Variants in NLGN1 observed in about 807,000 individuals in gnomAD.
The protein encoded by NLGN1 is neuroligin-1.
In NLGN1, 12 loss-of-function variants were observed where a neutral mutation model predicts 65.5. The observed-to-expected ratio is 0.18, with a 90% CI of 0.12 to 0.30. The LOEUF (loss-of-function observed/expected upper bound fraction) is 0.30. NLGN1 is among the 10% of genes least tolerant of loss of function. The probability of loss-of-function intolerance (pLI) is 1.00; values close to 1 mark genes in which losing one functional copy is unlikely to be tolerated. For missense variants in NLGN1, 750 were observed against 1,007.1 expected, an observed-to-expected ratio of 0.74 and a Z score of 3.46; for synonymous variants, 350 against 359.5, an observed-to-expected ratio of 0.97 and a Z score of 0.30.
intron 4 of NLGN1, among the ~76,000 whole-genome samples, chr3:173,951,635 G>T (rs1748229193): frequency 6.6e-6 from 1 of 151,636 alleles, no homozygotes; most frequent in African/African-American, 2.4e-5. Flanking sequence ...GCTAATTTTT[G>T]TATTTTTAGT....
intron 4 of NLGN1, among the ~76,000 whole-genome samples, chr3:173,931,080 A>G (rs553662280): frequency 5.3e-5 from 8 of 152,310 alleles, no homozygotes; most frequent in African/African-American, 1.4e-4. Flanking sequence ...CCTAATCTCA[A>G]TCTCTATGAT....
chr3:173,640,104 A>C (rs1460321711), intron 3 of NLGN1, among the ~76,000 whole-genome samples: 1 of 152,204 alleles, frequency 6.6e-6, no homozygotes, highest in Non-Finnish European at 1.5e-5. Context: ...CGGGGTGCAT[A>C]ATATAATGAT....
chr3:174,088,622 A>T (rs926571402), intron 4 of NLGN1, among the ~76,000 whole-genome samples: 19 of 151,604 alleles, frequency 1.3e-4, no homozygotes, highest in African/African-American at 4.4e-4. Flanking sequence ...GCGCGGTGGC[A>T]GGTGCCTGTA....
intron 4 of NLGN1, among the ~76,000 whole-genome samples, chr3:173,924,229 TG>T (rs1742588342): frequency 6.6e-6 from 1 of 152,138 alleles, no homozygotes; most frequent in Non-Finnish European, 1.5e-5. Flanking sequence ...TTAACAATTT[TG>T]CCATCACAGG....
intron 4 of NLGN1, among the ~76,000 whole-genome samples, chr3:173,933,244 T>C (rs893209404): frequency 4.6e-5 from 7 of 152,108 alleles, no homozygotes; most frequent in South Asian, 4.1e-4. Context: ...GCTCAGAGAA[T>C]GGCAGGAGAG....
intron 1 of NLGN1, among the ~76,000 whole-genome samples, chr3:173,432,586 ATTG>A (rs1250887359): frequency 6.6e-6 from 1 of 151,992 alleles, no homozygotes; most frequent in African/African-American, 2.4e-5. Flanking sequence ...TCATTTTTTT[ATTG>A]TTGAGTTTTA....
chr3:173,946,208 A>C (rs1307408478), intron 4 of NLGN1, among the ~76,000 whole-genome samples: 1 of 152,222 alleles, frequency 6.6e-6, no homozygotes, highest in East Asian at 1.9e-4. Flanking sequence ...AATTCACAAA[A>C]ATTTACCCAA....
At position 173,939,156 on chromosome 3, in the gene NLGN1, A is replaced by G. The variant is rs1480214235; in HGVS notation, c.646+131324A>G. Among the ~76,000 whole-genome samples the G allele has an allele frequency of 2.0e-5, 3 of 152,338 alleles. No homozygotes were observed. In the South Asian group the frequency reaches 6.2e-4, roughly 32 times the overall value. On this transcript the variant is annotated intron_variant, in intron 4 of 6. Transcript: ENST00000457714. Reference sequence around the variant, plus strand: ...ATCAATTAATGTACGTAGTTTTCGCATGCTTCCAGAAATATGTAATATGTG... The same window carrying G: ...ATCAATTAATGTACGTAGTTTTCGCGTGCTTCCAGAAATATGTAATATGTG...
intron 1 of NLGN1, among the ~76,000 whole-genome samples, chr3:173,427,746 G>T (rs534471701): frequency 4.0e-5 from 6 of 151,876 alleles, no homozygotes; most frequent in African/African-American, 1.4e-4. Context: ...GGTCTATCCT[G>T]GAGAAGTTCA....
At chr3:173,762,948 T>C (rs968241545) in intron 3 of NLGN1, among the ~76,000 whole-genome samples, 16 of 141,874 alleles carry the variant, frequency 1.1e-4, no homozygotes, top group Admixed American at 6.6e-4. Context: ...AATGGGATTG[T>C]GTAAATTTGT....
intron 3 of NLGN1, among the ~76,000 whole-genome samples, chr3:173,662,228 G>A (rs1319853125): frequency 5.9e-5 from 9 of 151,982 alleles, no homozygotes; most frequent in African/African-American, 2.2e-4. Flanking sequence ...TTGCCAAATA[G>A]GCCCTTACAG....
In NLGN1 at chr3:174,234,985, C is replaced by CTTTTTTTTTT. The variant is rs748911027; in HGVS notation, c.647-40309_647-40300dup. On this transcript the variant is annotated intron_variant, in intron 4 of 6. Coordinates refer to ENST00000457714, the Ensembl canonical transcript of NLGN1. The stretch of plus-strand genomic sequence containing the variant: ...GAGCTTTGTAAAATAAAGGAATCAC[C>CTTTTTTTTTT]TTTTTTTTTTTTTTTTTTTTTTTTT... 9.9e-3 allele frequency among the ~76,000 whole-genome samples: 648 copies of CTTTTTTTTTT among 65,744 alleles called. 179 individuals carry two copies. The highest frequency in any genetic ancestry group is 0.042 in the African/African-American group (524 of 12,490). The allele number at this position is 65,744 out of a possible 152,430, so 43.1% of individuals were successfully genotyped here. A position where few individuals can be genotyped will look rare whatever the true frequency, so the allele number is the denominator to read the frequency against.
chr3:173,862,296 G>T (rs531664840), intron 4 of NLGN1, among the ~76,000 whole-genome samples: 1 of 151,260 alleles, frequency 6.6e-6, no homozygotes, highest in East Asian at 2.0e-4. Flanking sequence ...CACGAGGTCG[G>T]GAGATCGAGA....
chr3:173,590,248 A>G (rs776365324), intron 2 of NLGN1, among the ~76,000 whole-genome samples: 3 of 152,152 alleles, frequency 2.0e-5, no homozygotes, highest in East Asian at 3.9e-4. Flanking sequence ...TTAAATCTGT[A>G]TTACTTACTG....
At chr3:174,277,102 T>C (rs1028418344) in intron 5 of NLGN1, among the ~76,000 whole-genome samples, 1 of 151,926 alleles carries the variant, frequency 6.6e-6, no homozygotes, top group African/African-American at 2.4e-5. Flanking sequence ...CATTTTATTA[T>C]ACACTTCAGG....
At chr3:173,724,867 G>A (rs1360257200) in intron 3 of NLGN1, among the ~76,000 whole-genome samples, 2 of 152,162 alleles carry the variant, frequency 1.3e-5, no homozygotes, top group Non-Finnish European at 2.9e-5. Flanking sequence ...AAATGCATGA[G>A]TTCATGTCCT....
intron 3 of NLGN1, among the ~76,000 whole-genome samples, chr3:173,725,777 G>T (rs749182697): frequency 1.3e-5 from 2 of 152,100 alleles, no homozygotes; most frequent in African/African-American, 2.4e-5. Flanking sequence ...AGGCTTGACG[G>T]GGGAAAGATC....
chr3:174,071,048 T>C (rs149275598), intron 4 of NLGN1, among the ~76,000 whole-genome samples: 2,694 of 152,032 alleles, frequency 0.018, 46 homozygotes, highest in Non-Finnish European at 0.028. Flanking sequence ...GAATAAGACC[T>C]TGTCTCAAAA....
intron 4 of NLGN1, among the ~76,000 whole-genome samples, chr3:173,970,543 A>G (rs1003166286): frequency 2.0e-5 from 3 of 148,358 alleles, no homozygotes; most frequent in Non-Finnish European, 4.5e-5. Context: ...TGCTTACAAT[A>G]AAAAAAAAAG....
Sources: gnomAD v4.1 joint callset for allele counts (sites outside exome capture counted in the v4.1 genomes callset) on GRCh38, gnomAD v4.1.1 for gene constraint, MANE v1.5 for transcripts, NCBI Gene and HGNC (gene_info 2026-07-23, HGNC 2026-07-21) for gene names.